The following PDCD1LG2 variants were observed in gnomAD, a reference collection of about 807,000 sequenced individuals.
PDCD1LG2 encodes the protein programmed cell death 1 ligand 2.
PDCD1LG2 carries 32 observed loss-of-function variants against 28.2 expected under a neutral mutation model. That is an observed-to-expected ratio of 1.13 (90% CI 0.86 to 1.52). The LOEUF is 1.52. Among genes scored for constraint, PDCD1LG2 ranks in the 40% most tolerant of loss-of-function variants. The probability of loss-of-function intolerance (pLI) is 0.00; values close to 1 mark genes in which losing one functional copy is unlikely to be tolerated. For synonymous variants in PDCD1LG2, 116 were observed against 120.2 expected, an observed-to-expected ratio of 0.97 and a Z score of 0.23; for missense variants, 385 against 323.8, an observed-to-expected ratio of 1.19 and a Z score of -1.45.
At chr9:5,521,478 T>C (rs780198307) in intron 1 of PDCD1LG2, among the ~76,000 whole-genome samples, 56 of 152,078 alleles carry the variant, frequency 3.7e-4, no homozygotes, top group Non-Finnish European at 6.2e-4. Context: ...AAAAAATATA[T>C]AAACTCGCCA....
chr9:5,551,382 C>T (rs1816329180), intron 4 of PDCD1LG2, among the ~76,000 whole-genome samples: 1 of 151,956 alleles, frequency 6.6e-6, no homozygotes, highest in Non-Finnish European at 1.5e-5. Context: ...ATTGGCAACC[C>T]CAGAGGGCAG....
intron 1 of PDCD1LG2, 39 bp from the exon 2 acceptor site, chr9:5,522,494 G>T (rs1202401987): frequency 1.3e-6 from 2 of 1,534,516 alleles, no homozygotes; most frequent in Middle Eastern, 3.4e-4. Flanking sequence ...ACCCAGCAAA[G>T]TTTCACAAGG....
chr9:5,548,013 T>C (rs1816248615), intron 3 of PDCD1LG2, among the ~76,000 whole-genome samples: 1 of 152,138 alleles, frequency 6.6e-6, no homozygotes. Context: ...TTGTGGTCTT[T>C]ATTTTTTTCT....
chr9:5,534,217 C>A (rs1229280581), intron 2 of PDCD1LG2, among the ~76,000 whole-genome samples: 1 of 152,038 alleles, frequency 6.6e-6, no homozygotes, highest in Non-Finnish European at 1.5e-5. Flanking sequence ...GTTATTATTA[C>A]CATCACTGGT....
At position 5,535,017 on chromosome 9, in the gene PDCD1LG2, T is replaced by G; in HGVS notation, c.328T>G (p.Trp110Gly). 1 of 1,612,846 alleles carries G rather than the reference T, an allele frequency of 6.2e-7. No homozygotes were observed. Among genetic ancestry groups the G allele is most frequent in the Non-Finnish European group, 8.5e-7 (1 of 1,179,206 alleles). Reference sequence around the variant, plus strand: ...ATGCATAATCATCTATGGGGTCGCCTGGGACTACAAGTACCTGACTCTGAA... The same window carrying G: ...ATGCATAATCATCTATGGGGTCGCCGGGGACTACAAGTACCTGACTCTGAA... ...YQCIIIYGVA[W>G]DYKYLTLKVK... The change falls in exon 3 of 7, where the codon TGG (tryptophan) becomes GGG (glycine). Residue 110 changes from tryptophan to glycine, a missense_variant. Transcript: ENST00000397747.
At chr9:5,516,242 G>A (rs562015335) in intron 1 of PDCD1LG2, among the ~76,000 whole-genome samples, 36 of 152,186 alleles carry the variant, frequency 2.4e-4, no homozygotes, top group South Asian at 6.2e-4. Context: ...TAGTAGAGAC[G>A]GGGTTTCGCC....
At chr9:5,551,261 C>T (rs7869201) in intron 4 of PDCD1LG2, among the ~76,000 whole-genome samples, 49,187 of 152,062 alleles carry the variant, frequency 0.32, 9,836 homozygotes, top group African/African-American at 0.56. Flanking sequence ...CTGATTCAAT[C>T]TGGCTTTATA....
chr9:5,559,625 C>T (rs545054414), intron 5 of PDCD1LG2, among the ~76,000 whole-genome samples: 2 of 152,316 alleles, frequency 1.3e-5, no homozygotes, highest in Non-Finnish European at 1.5e-5. Flanking sequence ...ACTTCACTGC[C>T]GCTAGTGTGG....
chr9:5,517,257 G>C (rs1386999942), intron 1 of PDCD1LG2, among the ~76,000 whole-genome samples: 10 of 152,224 alleles, frequency 6.6e-5, no homozygotes, highest in Non-Finnish European at 1.0e-4. Flanking sequence ...AAAGTGTCCG[G>C]GTAGAGGGAC....
chr9:5,530,259 T>G (rs1306141115), intron 2 of PDCD1LG2, among the ~76,000 whole-genome samples: 14 of 152,204 alleles, frequency 9.2e-5, no homozygotes, highest in Admixed American at 9.2e-4. Context: ...CATGAATTTT[T>G]CATGCTTTTG....
intron 4 of PDCD1LG2, among the ~76,000 whole-genome samples, chr9:5,550,646 C>T (rs1816310707): frequency 6.6e-6 from 1 of 151,978 alleles, no homozygotes; most frequent in African/African-American, 2.4e-5. Context: ...TCTTCAGAGG[C>T]AGCAACCCTA....
chr9:5,564,191 G>GGTT (rs1816620642), intron 6 of PDCD1LG2, among the ~76,000 whole-genome samples: 1 of 152,128 alleles, frequency 6.6e-6, no homozygotes, highest in Non-Finnish European at 1.5e-5. Flanking sequence ...AAGAGGCCAG[G>GGTT]GTTCTGTCTA....
At chr9:5,531,499 A>T (rs554165821) in intron 2 of PDCD1LG2, among the ~76,000 whole-genome samples, 1 of 152,312 alleles carries the variant, frequency 6.6e-6, no homozygotes, top group African/African-American at 2.4e-5. Flanking sequence ...TAGCTGAAAA[A>T]TGTCACCTGT....
chr9:5,547,816 C>A (rs902536352), intron 3 of PDCD1LG2, among the ~76,000 whole-genome samples: 1 of 151,448 alleles, frequency 6.6e-6, no homozygotes. Flanking sequence ...CAGGTGCCTG[C>A]AATCCCAGCT....
chr9:5,548,745 A>C (rs1816261746), intron 3 of PDCD1LG2, among the ~76,000 whole-genome samples: 1 of 152,152 alleles, frequency 6.6e-6, no homozygotes, highest in Non-Finnish European at 1.5e-5. Context: ...AAATATACCC[A>C]ACTCTTTACT....
intron 1 of PDCD1LG2, among the ~76,000 whole-genome samples, chr9:5,513,441 T>G (rs1432084094): frequency 1.3e-5 from 2 of 152,270 alleles, no homozygotes; most frequent in African/African-American, 4.8e-5. Flanking sequence ...CTATTTTTCA[T>G]GTGTGAGAGT....
rs1229844379 is a variant in PDCD1LG2 at position 5,534,955 on chromosome 9, T to C, written c.266T>C (p.Ile89Thr). 3 of 1,614,084 alleles carry C rather than the reference T, an allele frequency of 1.9e-6. No individual in the cohort carries two copies. The highest frequency in any genetic ancestry group is 2.2e-5 in the South Asian group (2 of 91,074). Residue 89 changes from isoleucine to threonine, a missense_variant, in exon 3 of 7, where the codon ATA becomes ACA. Transcript: ENST00000397747. Reference sequence around the variant, plus strand: ...CCCCTAGGGAAGGCCTCGTTCCACATACCTCAAGTCCAAGTGAGGGACGAA... The same window carrying C: ...CCCCTAGGGAAGGCCTCGTTCCACACACCTCAAGTCCAAGTGAGGGACGAA... ...QLPLGKASFH[I>T]PQVQVRDEGQ... is the part of the protein sequence containing the mutation.
In PDCD1LG2 at chr9:5,522,546, C is replaced by A; in HGVS notation, c.-1C>A. On this transcript the variant is annotated 5_prime_UTR_variant, in exon 2 of 7. Coordinates refer to ENST00000397747, the MANE Select transcript of PDCD1LG2 (RefSeq NM_025239.4). ...TGTCTATTTCAGATCAAATACAGAA[C>A]ATGATCTTCCTCCTGCTAATGTTGA... 1.2e-6 allele frequency: 2 copies of A among 1,613,296 alleles called. No homozygotes were observed. Among genetic ancestry groups the A allele is most frequent in the African/African-American group, 2.7e-5 (2 of 75,014 alleles).
chr9:5,532,688 T>A (rs1820505455), intron 2 of PDCD1LG2, among the ~76,000 whole-genome samples: 1 of 152,176 alleles, frequency 6.6e-6, no homozygotes, highest in Admixed American at 6.5e-5. Flanking sequence ...AAAAGTTACT[T>A]ATACTGTGAA....
Sources: allele counts gnomAD v4.1 joint callset (sites outside exome capture counted in the v4.1 genomes callset), GRCh38; gene constraint gnomAD v4.1.1; transcripts MANE v1.5; gene names NCBI Gene and HGNC (gene_info 2026-07-23, HGNC 2026-07-21).